MARCHF8: variants seen among roughly 807,000 people sequenced by gnomAD.
MARCHF8 encodes the protein E3 ubiquitin-protein ligase MARCHF8.
In MARCHF8, 40 loss-of-function variants were observed where a neutral mutation model predicts 51.6. The observed-to-expected ratio is 0.77, with a 90% CI of 0.60 to 1.01. MARCHF8 has a LOEUF of 1.01. MARCHF8 is among the 50% of genes least tolerant of loss of function. The probability of loss-of-function intolerance (pLI) is 0.00; values close to 1 mark genes in which losing one functional copy is unlikely to be tolerated. For synonymous variants in MARCHF8, 263 were observed against 280.3 expected, an observed-to-expected ratio of 0.94 and a Z score of 0.62; for missense variants, 685 against 708.6, an observed-to-expected ratio of 0.97 and a Z score of 0.38.
chr10:45,553,478 A>G (rs1221755859), intron 1 of MARCHF8, among the ~76,000 whole-genome samples: 1 of 152,212 alleles, frequency 6.6e-6, no homozygotes, highest in Admixed American at 6.5e-5. Context: ...ACGCTTGAAT[A>G]CTTCCTGAAG....
chr10:45,590,516 G>C (rs1238851641), intron 1 of MARCHF8, among the ~76,000 whole-genome samples: 1 of 152,178 alleles, frequency 6.6e-6, no homozygotes, highest in East Asian at 1.9e-4. Flanking sequence ...AGTTACTGGT[G>C]TACGCACCTG....
At chr10:45,588,164 TA>T (rs199851448) in intron 1 of MARCHF8, among the ~76,000 whole-genome samples, 5,916 of 131,412 alleles carry the variant, frequency 0.045, 143 homozygotes, top group Non-Finnish European at 0.061. Flanking sequence ...TTGTCAAAAG[TA>T]AAAAAAAAAA....
At chr10:45,531,345 A>G (rs1278871048) in intron 2 of MARCHF8, among the ~76,000 whole-genome samples, 2 of 152,200 alleles carry the variant, frequency 1.3e-5, no homozygotes, top group Non-Finnish European at 2.9e-5. Context: ...CTCACATTAT[A>G]AGAAATGCTA....
intron 3 of MARCHF8, among the ~76,000 whole-genome samples, chr10:45,486,725 TG>T (rs2042985971): frequency 6.6e-6 from 1 of 151,736 alleles, no homozygotes; most frequent in South Asian, 2.1e-4. Flanking sequence ...CTCAGTGTAA[TG>T]GGTGAGCTGC....
intron 2 of MARCHF8, among the ~76,000 whole-genome samples, chr10:45,517,501 T>C (rs546855347): frequency 7.2e-4 from 109 of 152,256 alleles, no homozygotes; most frequent in African/African-American, 2.4e-3. Context: ...CATTTAAGAA[T>C]GTGTGGCACC....
chr10:45,458,385 T>C lies in MARCHF8; in HGVS notation c.1576A>G (p.Thr526Ala). 3.7e-6 allele frequency: 6 copies of C among 1,614,194 alleles called. No homozygotes were observed. The highest frequency in any genetic ancestry group is 4.2e-6 in the Non-Finnish European group (5 of 1,180,036). The change falls in exon 8 of 8, where the codon ACA becomes GCA. Residue 526 changes from threonine to alanine, a missense_variant. Physicochemically the swap from Thr to Ala is moderately conservative, Grantham distance 58. Transcript: ENST00000453424. ...TTTTCAAAAATATTCTTTTTGCTTGTTTCTGGACAGTTTTGAACATAGATC... is the reference window on the plus strand; with the variant it reads ...TTTTCAAAAATATTCTTTTTGCTTGCTTCTGGACAGTTTTGAACATAGATC... ...RVIYVQNCPETSKKNIFEKSP... is the reference protein window; with the variant it reads ...RVIYVQNCPEASKKNIFEKSP...
chr10:45,505,312 T>C (rs1434537976), intron 2 of MARCHF8, among the ~76,000 whole-genome samples: 1 of 152,192 alleles, frequency 6.6e-6, no homozygotes, highest in African/African-American at 2.4e-5. Flanking sequence ...GTAGACACTA[T>C]CCTAAAACAA....
intron 1 of MARCHF8, chr10:45,593,317 T>G (rs966602994): frequency 7.6e-5 from 11 of 145,040 alleles, no homozygotes; most frequent in African/African-American, 2.8e-4. Flanking sequence ...GTGCTACTCT[T>G]AAAAAAAAAA....
At position 45,458,398 on chromosome 10, in the gene MARCHF8, T is replaced by C. The variant is rs746791465; in HGVS notation, c.1563A>G (p.Gln521=). 3.1e-6 allele frequency: 5 copies of C among 1,614,188 alleles called. No homozygotes were observed. Among genetic ancestry groups the C allele is most frequent in the Non-Finnish European group, 3.4e-6 (4 of 1,180,034 alleles). Residue 521 remains glutamine (Q), a synonymous_variant, in exon 8 of 8, where the codon CAA becomes CAG. Coordinates refer to ENST00000453424, the MANE Select transcript of MARCHF8 (RefSeq NM_001282866.2). ...TCTTTTTGCTTGTTTCTGGACAGTT[T>C]TGAACATAGATCACTCTATTATAGG... The part of the protein sequence containing the change: ...LKAYNRVIYV[Q]NCPETSKKNI...
rs185340225 is a variant in MARCHF8, at chr10:45,568,134, A to G, written c.-79+26101T>C. On this transcript the variant is annotated intron_variant, in intron 1 of 6. Coordinates refer to the MARCHF8 transcript ENST00000319836. Reference sequence around the variant, plus strand: ...TTGGTACGTTAATTTTGTATCCTGCAGCTTCACTGAATTTACCAGTTCTAA... The same window carrying G: ...TTGGTACGTTAATTTTGTATCCTGCGGCTTCACTGAATTTACCAGTTCTAA... Among the ~76,000 whole-genome samples, 237 of 152,340 alleles carry G rather than the reference A, an allele frequency of 1.6e-3. 1 individual carries two copies. The highest frequency in any genetic ancestry group is 5.1e-3 in the African/African-American group (210 of 41,576).
rs1236170349 is a variant in MARCHF8, at chr10:45,459,112, G to C, written c.1417+8C>G. 3.1e-6 allele frequency: 5 copies of C among 1,613,788 alleles called. No homozygotes were observed. Among genetic ancestry groups the C allele is most frequent in the Non-Finnish European group, 4.2e-6 (5 of 1,179,948 alleles). ...CCATGCTGAGCTTGCTCCAGCCTGA[G>C]AACTCACCTGTTGCCTGCCCCTGCT... On this transcript the variant is annotated splice_region_variant and intron_variant, in intron 7 of 7. Transcript: ENST00000453424.
intron 2 of MARCHF8, among the ~76,000 whole-genome samples, chr10:45,511,749 G>A (rs1161915741): frequency 2.0e-5 from 3 of 152,012 alleles, no homozygotes; most frequent in Non-Finnish European, 2.9e-5. Flanking sequence ...GCGTGATCTC[G>A]GCTCGCTACA....
At chr10:45,466,539 A>G (rs1249855493) in intron 3 of MARCHF8, among the ~76,000 whole-genome samples, 1 of 152,098 alleles carries the variant, frequency 6.6e-6, no homozygotes, top group Non-Finnish European at 1.5e-5. Flanking sequence ...TACTCCCTGG[A>G]ACTGATGAGG....
rs977943665 is a variant in MARCHF8 at position 45,456,129 on chromosome 10, T to C, written c.*2110A>G. ...TCTACTGCTGGGTGGCAGGAACAAGTATACAAAACCAGGGGCCTTGCCTGG... is the reference window on the plus strand; with the variant it reads ...TCTACTGCTGGGTGGCAGGAACAAGCATACAAAACCAGGGGCCTTGCCTGG... On this transcript the variant is annotated 3_prime_UTR_variant, in exon 8 of 8. Coordinates refer to ENST00000453424, the MANE Select transcript of MARCHF8 (RefSeq NM_001282866.2). The C allele has an allele frequency of 1.9e-4, 29 of 152,408 alleles. No individual in the cohort carries two copies. The highest frequency in any genetic ancestry group is 6.7e-4 in the African/African-American group (28 of 41,572). The allele number at this position is 152,408 out of a possible 1,614,324, so 9.4% of individuals were successfully genotyped here.
chr10:45,554,251 AAAATTT>A (rs2044227821), intron 1 of MARCHF8, among the ~76,000 whole-genome samples: 1 of 152,242 alleles, frequency 6.6e-6, no homozygotes, highest in South Asian at 2.1e-4. Flanking sequence ...ATCAAGAACC[AAAATTT>A]TTAGCATGAG....
intron 1 of MARCHF8, among the ~76,000 whole-genome samples, chr10:45,551,437 T>TA (rs1015646049): frequency 2.3e-4 from 35 of 152,024 alleles, no homozygotes; most frequent in African/African-American, 7.0e-4. Flanking sequence ...GGGGTTTCAC[T>TA]ATGTTGCCTA....
intron 3 of MARCHF8, among the ~76,000 whole-genome samples, chr10:45,488,447 G>A (rs968038418): frequency 6.6e-6 from 1 of 152,102 alleles, no homozygotes; most frequent in South Asian, 2.1e-4. Flanking sequence ...AGAGAGGAAA[G>A]AGCCTGGGTC....
rs1842580471 is a variant in MARCHF8 at position 45,455,722 on chromosome 10, A to C, written c.*2517T>G. On this transcript the variant is annotated 3_prime_UTR_variant, in exon 8 of 8. Transcript: ENST00000453424. ...GGGGGCTAGAAGGGTCTGATGAATCAGGAGCTGAACTAGAACCTTCAAGAA... is the reference window on the plus strand; with the variant it reads ...GGGGGCTAGAAGGGTCTGATGAATCCGGAGCTGAACTAGAACCTTCAAGAA... 6.6e-6 allele frequency: 1 copy of C among 152,336 alleles called. No homozygotes were observed. Among genetic ancestry groups the C allele is most frequent in the Admixed American group, 6.5e-5 (1 of 15,292 alleles). The allele number at this position is 152,336 out of a possible 1,614,324, so 9.4% of individuals were successfully genotyped here.
intron 1 of MARCHF8, among the ~76,000 whole-genome samples, chr10:45,546,527 AT>A: frequency 6.6e-6 from 1 of 152,146 alleles, no homozygotes; most frequent in East Asian, 1.9e-4. Context: ...CACACCTGTA[AT>A]CCTGGCACTT....
Sources: gnomAD v4.1 joint callset for allele counts (sites outside exome capture counted in the v4.1 genomes callset) on GRCh38, gnomAD v4.1.1 for gene constraint, MANE v1.5 for transcripts, NCBI Gene and HGNC (gene_info 2026-07-23, HGNC 2026-07-21) for gene names.